LARGE1: variants seen among roughly 807,000 people sequenced by gnomAD.
LARGE1 encodes LARGE xylosyl- and glucuronyltransferase 1.
A neutral mutation model predicts 87.6 loss-of-function variants in LARGE1; 43 were observed. That is an observed-to-expected ratio of 0.49 (90% confidence interval 0.38 to 0.63). The LOEUF is 0.63. Ranked by LOEUF, LARGE1 falls within the 30% of genes least tolerant of loss-of-function variation. LARGE1 has a pLI of 0.00. For missense variants in LARGE1, 802 were observed against 1,000.2 expected (o/e 0.80, Z 2.67); for synonymous variants, 434 against 394.6 (o/e 1.10, Z -1.18).
intron 12 of LARGE1, among the ~76,000 whole-genome samples, chr22:33,302,189 C>T (rs534046127): frequency 5.5e-4 from 84 of 152,332 alleles, no homozygotes; most frequent in Admixed American, 2.2e-3. Flanking sequence ...CTGCAAGCCC[C>T]GTCTGGCCAC....
chr22:33,713,282 C>T (rs1194414063), intron 2 of LARGE1, among the ~76,000 whole-genome samples: 1 of 152,118 alleles, frequency 6.6e-6, no homozygotes, highest in Non-Finnish European at 1.5e-5. Flanking sequence ...TCCCAGCTCC[C>T]CCAGGATCAG....
At chr22:33,758,299 G>A (rs1041601672) in intron 2 of LARGE1, among the ~76,000 whole-genome samples, 20 of 152,080 alleles carry the variant, frequency 1.3e-4, no homozygotes, top group African/African-American at 3.4e-4. Flanking sequence ...AGATTTGAAC[G>A]GGCACTGTCA....
chr22:33,154,990 T>C, the LARGE1 span, among the ~76,000 whole-genome samples: 2 of 152,210 alleles, frequency 1.3e-5, no homozygotes, highest in East Asian at 1.9e-4. Context: ...TTTTGTCTGC[T>C]GCCATGTGAG....
chr22:33,698,474 T>C (rs1183839828), intron 2 of LARGE1, among the ~76,000 whole-genome samples: 1 of 150,814 alleles, frequency 6.6e-6, no homozygotes, highest in Non-Finnish European at 1.5e-5. Context: ...CTAATTTTTG[T>C]ATTCTTTTTG....
intron 12 of LARGE1, among the ~76,000 whole-genome samples, chr22:33,297,878 G>A (rs1241926683): frequency 6.6e-6 from 1 of 150,964 alleles, no homozygotes; most frequent in Non-Finnish European, 1.5e-5. Flanking sequence ...TACTCAGGAG[G>A]CTGAGGCAGG....
intron 2 of LARGE1, among the ~76,000 whole-genome samples, chr22:33,679,124 G>T (rs945858412): frequency 3.9e-5 from 6 of 152,144 alleles, no homozygotes; most frequent in Admixed American, 2.0e-4. Context: ...TGAAGATCAG[G>T]AAGTCTGTTT....
At chr22:33,105,168 T>G in the LARGE1 span, among the ~76,000 whole-genome samples, 1 of 151,620 alleles carries the variant, frequency 6.6e-6, no homozygotes, top group African/African-American at 2.4e-5. Flanking sequence ...CCGCTATTTT[T>G]TTTTTGCATT....
At chr22:33,791,945 C>T (rs149315324) in intron 1 of LARGE1, among the ~76,000 whole-genome samples, 98 of 152,324 alleles carry the variant, frequency 6.4e-4, no homozygotes, top group African/African-American at 2.2e-3. Context: ...AACATTACCT[C>T]GTTTACTACT....
chr22:33,319,547 C>G (rs1440827601), intron 10 of LARGE1, among the ~76,000 whole-genome samples: 2 of 152,124 alleles, frequency 1.3e-5, no homozygotes, highest in African/African-American at 4.8e-5. Flanking sequence ...AGGCACTCAC[C>G]ACCACGCCCG....
chr22:33,246,982 C>T (rs1013866810), intron 11 of LARGE1, among the ~76,000 whole-genome samples: 2 of 151,938 alleles, frequency 1.3e-5, no homozygotes, highest in African/African-American at 4.8e-5. Context: ...CAATATGTCT[C>T]ACAATCTTGA....
At chr22:33,907,617 T>A (rs1417784301) in intron 1 of LARGE1, among the ~76,000 whole-genome samples, 3 of 150,432 alleles carry the variant, frequency 2.0e-5, no homozygotes, top group African/African-American at 4.9e-5. Flanking sequence ...CAGGCTGGAG[T>A]AGCGCAGTGG....
chr22:33,865,716 A>G (rs1428218490), intron 1 of LARGE1, among the ~76,000 whole-genome samples: 1 of 152,078 alleles, frequency 6.6e-6, no homozygotes, highest in Non-Finnish European at 1.5e-5. Flanking sequence ...TCTTGAGAGT[A>G]AAGGAGGTAT....
chr22:33,588,553 AACTT>A (rs2078746804), intron 5 of LARGE1, among the ~76,000 whole-genome samples: 1 of 152,192 alleles, frequency 6.6e-6, no homozygotes, highest in South Asian at 2.1e-4. Context: ...ACGCATATAA[AACTT>A]AAGTTGGCAT....
At position 33,259,176 on chromosome 22, in the gene LARGE1, C is replaced by A. The variant is rs142243535; in HGVS notation, c.1730+45053G>T. The stretch of plus-strand genomic sequence containing the variant: ...TACAGGCATGAGCCACTACACCCGG[C>A]CAACTTTATCTTTATTCTAAGAAAT... On this transcript the variant is annotated intron_variant, in intron 11 of 11. Coordinates refer to the LARGE1 transcript ENST00000608642. Among the ~76,000 whole-genome samples, 93 of 152,310 alleles carry A rather than the reference C, an allele frequency of 6.1e-4. No homozygotes were observed. The East Asian group carries it at 0.013, about 21-fold the overall frequency.
intron 2 of LARGE1, among the ~76,000 whole-genome samples, chr22:33,681,386 C>G (rs1025618655): frequency 1.3e-5 from 2 of 152,180 alleles, no homozygotes; most frequent in Non-Finnish European, 2.9e-5. Flanking sequence ...CCAGGGTTCA[C>G]GTCCCAGGTC....
intron 11 of LARGE1, among the ~76,000 whole-genome samples, chr22:33,256,799 A>G (rs961782669): frequency 1.3e-5 from 2 of 152,222 alleles, no homozygotes; most frequent in African/African-American, 4.8e-5. Flanking sequence ...TTTGCAGACA[A>G]GACTCAAAGA....
intron 7 of LARGE1, among the ~76,000 whole-genome samples, chr22:33,412,009 C>A (rs552075658): frequency 1.6e-4 from 24 of 152,296 alleles, no homozygotes; most frequent in African/African-American, 5.5e-4. Context: ...ATTGGCCGGG[C>A]ACGGTGGCTC....
chr22:33,364,309 G>A (rs537286816), intron 9 of LARGE1, among the ~76,000 whole-genome samples: 2 of 152,152 alleles, frequency 1.3e-5, no homozygotes, highest in Non-Finnish European at 1.5e-5. Flanking sequence ...CGCCCGCCTC[G>A]GCCTCCCAAA....
At chr22:33,539,134 T>A (rs968078728) in intron 6 of LARGE1, among the ~76,000 whole-genome samples, 1 of 152,218 alleles carries the variant, frequency 6.6e-6, no homozygotes, top group Non-Finnish European at 1.5e-5. Context: ...CACACATATG[T>A]CTTTTGGATT....
Sources: allele counts gnomAD v4.1 joint callset (sites outside exome capture counted in the v4.1 genomes callset), GRCh38; gene constraint gnomAD v4.1.1; transcripts MANE v1.5; gene names NCBI Gene and HGNC (gene_info 2026-07-23, HGNC 2026-07-21).